The following PIK3C2B variants were observed in gnomAD, a reference collection of about 807,000 sequenced individuals.
PIK3C2B encodes phosphatidylinositol-4-phosphate 3-kinase catalytic subunit type 2 beta.
A neutral mutation model predicts 184.3 loss-of-function variants in PIK3C2B; 83 were observed. That is an observed-to-expected ratio of 0.45 (90% CI 0.38 to 0.54). The LOEUF is 0.54. PIK3C2B is among the 20% of genes least tolerant of loss of function. PIK3C2B has a pLI of 0.00. For missense variants in PIK3C2B, 1,736 were observed against 2,113.5 expected (o/e 0.82, Z 3.50); for synonymous variants, 779 against 837.6 (o/e 0.93, Z 1.21).
Position 204,438,916 on chromosome 1 carries a change from T to TC in PIK3C2B, c.3516+18dup. ...AGGCACACACACACACCAGACGCAC[T>TC]CCCCACCCACAACCCTACCTTCTCA... On this transcript the variant is annotated intron_variant, in intron 23 of 32. Transcript: ENST00000684373. The TC allele has an allele frequency of 6.2e-7, 1 of 1,610,940 alleles. No homozygotes were observed. Among genetic ancestry groups the TC allele is most frequent in the Non-Finnish European group, 8.5e-7 (1 of 1,179,232 alleles).
At chr1:204,492,494 C>T (rs6594015) in intron 1 of PIK3C2B, among the ~76,000 whole-genome samples, 95,780 of 151,908 alleles carry the variant, frequency 0.63, 31,877 homozygotes, top group Non-Finnish European at 0.73. Flanking sequence ...AGGCCAGGGC[C>T]ATCCCAGCTG....
chr1:204,491,857 A>C (rs571957027), intron 1 of PIK3C2B, among the ~76,000 whole-genome samples: 4 of 152,340 alleles, frequency 2.6e-5, no homozygotes, highest in Admixed American at 2.6e-4. Context: ...TTGCCAGCTC[A>C]GCATTATCCT....
At chr1:204,449,698 G>T (rs56006933) in intron 13 of PIK3C2B, 152 bp downstream of exon 13, 1 of 702,842 alleles carries the variant, frequency 1.4e-6, no homozygotes, top group Non-Finnish European at 2.4e-6. Context: ...CTGGTCACCA[G>T]TTCTGTGCTT....
chr1:204,479,996 C>T (rs182782579), intron 1 of PIK3C2B, among the ~76,000 whole-genome samples: 69 of 152,294 alleles, frequency 4.5e-4, no homozygotes, highest in African/African-American at 1.6e-3. Flanking sequence ...GGAGCTGCCT[C>T]CGCAGGTCTT....
chr1:204,463,907 G>C, intron 5 of PIK3C2B, 105 bp downstream of exon 5: 1 of 1,162,154 alleles, frequency 8.6e-7, no homozygotes, highest in Non-Finnish European at 1.2e-6. Flanking sequence ...CTTGACTGTG[G>C]GATTGGGGCG....
At chr1:204,443,202 T>TA (rs1361830958) in intron 19 of PIK3C2B, among the ~76,000 whole-genome samples, 1 of 152,232 alleles carries the variant, frequency 6.6e-6, no homozygotes, top group Non-Finnish European at 1.5e-5. Flanking sequence ...AACAGCTAAA[T>TA]AAATTTCAAT....
intron 1 of PIK3C2B, among the ~76,000 whole-genome samples, chr1:204,477,652 G>A (rs1167785634): frequency 6.6e-6 from 1 of 152,204 alleles, no homozygotes; most frequent in Non-Finnish European, 1.5e-5. Context: ...CACCACTGGA[G>A]CCAGTGGGTG....
At chr1:204,474,148 C>G (rs888713902) in intron 1 of PIK3C2B, among the ~76,000 whole-genome samples, 2 of 152,174 alleles carry the variant, frequency 1.3e-5, no homozygotes, top group Non-Finnish European at 2.9e-5. Context: ...TGCGCCACCA[C>G]GCGCAGCTAA....
intron 27 of PIK3C2B, 103 bp downstream of exon 27, chr1:204,432,097 T>A (rs1189398793): frequency 2.9e-6 from 3 of 1,046,822 alleles, no homozygotes; most frequent in African/African-American, 3.1e-5. Context: ...GGACGCTCGG[T>A]CAACTCCTGT....
intron 1 of PIK3C2B, among the ~76,000 whole-genome samples, chr1:204,470,213 G>A (rs2103517463): frequency 6.7e-6 from 1 of 150,040 alleles, no homozygotes; most frequent in East Asian, 2.0e-4. Context: ...TGTCACCCAG[G>A]CTGGAATGCA....
Position 204,469,017 on chromosome 1 carries a change from C to T in PIK3C2B, c.786G>A (p.Pro262=), listed in dbSNP as rs138661903. The stretch of plus-strand genomic sequence containing the variant: ...CAGAGGTGTCTTTGCTGAAGTCCAG[C>T]GGCCCTCGGCCCTCCTTCCAGCCCC... ...ATRGWKEGRG[P]LDFSKDTSGK... Residue 262 remains proline, a synonymous_variant, in exon 2 of 33, where the codon CCG becomes CCA. Transcript: ENST00000684373. 6.8e-6 allele frequency: 11 copies of T among 1,614,180 alleles called. No homozygotes were observed. The highest frequency in any genetic ancestry group is 2.2e-5 in the East Asian group (1 of 44,884).
intron 1 of PIK3C2B, among the ~76,000 whole-genome samples, chr1:204,478,582 C>T (rs928491396): frequency 2.0e-5 from 3 of 152,186 alleles, no homozygotes; most frequent in Non-Finnish European, 4.4e-5. Context: ...GTGTGCGTGC[C>T]CTCTGGGTGC....
chr1:204,470,511 G>C (rs1368312685), intron 1 of PIK3C2B, among the ~76,000 whole-genome samples: 1 of 152,222 alleles, frequency 6.6e-6, no homozygotes, highest in African/African-American at 2.4e-5. Context: ...TGGAAGCAAA[G>C]CTTCTCCAGT....
chr1:204,452,078 G>C (rs1466650768), intron 12 of PIK3C2B, among the ~76,000 whole-genome samples: 1 of 152,088 alleles, frequency 6.6e-6, no homozygotes, highest in Non-Finnish European at 1.5e-5. Context: ...AGTCTCATTC[G>C]GGGCTTCTGG....
Position 204,423,895 on chromosome 1 carries a change from C to A in PIK3C2B, c.*957G>T, listed in dbSNP as rs187698759. On this transcript the variant is annotated 3_prime_UTR_variant, in exon 33 of 33. Transcript: ENST00000684373. ...TCTTGGGTGAAACTACATCTAAGGA[C>A]TGAGTCAGTATTTTGTCCCACCAGA... 1 of 152,618 alleles carries A rather than the reference C, an allele frequency of 6.6e-6. No individual in the cohort carries two copies. The highest frequency in any genetic ancestry group is 1.9e-4 in the East Asian group (1 of 5,172). The allele number at this position is 152,618 out of a possible 1,614,324, so 9.5% of individuals were successfully genotyped here. A position where few individuals can be genotyped will look rare whatever the true frequency, so the allele number is the denominator to read the frequency against.
In PIK3C2B at chr1:204,438,264, T is replaced by C. The variant is rs1229527379; in HGVS notation, c.3516+671A>G. Among the ~76,000 whole-genome samples the C allele has an allele frequency of 2.6e-5, 4 of 152,316 alleles. No homozygotes were observed. The East Asian group carries it at 5.8e-4, about 22-fold the overall frequency. On this transcript the variant is annotated intron_variant, in intron 23 of 32. Coordinates refer to ENST00000684373, the MANE Select transcript of PIK3C2B (RefSeq NM_001377334.1). ...TTTGTTCCTTCCCAGTGTCCCTACT[T>C]TCCTCAACCTAATTAACCCAGAGAC...
At position 204,433,941 on chromosome 1, in the gene PIK3C2B, G is replaced by A; in HGVS notation, c.3695C>T (p.Ala1232Val). ...CATGTCCGAGGTGAAGACAAAGGGG[G>A]CACGGTCCCTGAGCCAAGGGGAACA... The part of the protein sequence containing the change: ...QMFGNIKRDR[A>V]PFVFTSDMAY... Residue 1232 changes from alanine (A) to valine (V), a missense_variant, in exon 25 of 33, where the codon GCC becomes GTC. Transcript: ENST00000684373. The surrounding 1 kb of genome is among the most constrained non-coding windows in gnomAD (Gnocchi z 5.0). The A allele has an allele frequency of 1.2e-6, 2 of 1,613,712 alleles. No individual in the cohort carries two copies. The highest frequency in any genetic ancestry group is 1.7e-6 in the Non-Finnish European group (2 of 1,179,780).
chr1:204,459,297 G>A (rs759393289), intron 8 of PIK3C2B, among the ~76,000 whole-genome samples: 3 of 152,220 alleles, frequency 2.0e-5, no homozygotes, highest in African/African-American at 7.2e-5. Flanking sequence ...GATTACAGGC[G>A]TGGGCCATCA....
rs1443722473 is a variant in PIK3C2B, at chr1:204,424,807, G to C, written c.*45C>G. 6.3e-7 allele frequency: 1 copy of C among 1,596,788 alleles called. No individual in the cohort carries two copies. The highest frequency in any genetic ancestry group is 8.6e-7 in the Non-Finnish European group (1 of 1,164,660). On this transcript the variant is annotated 3_prime_UTR_variant, in exon 33 of 33. Transcript: ENST00000684373. Reference sequence around the variant, plus strand: ...TCACAGGGGAGAGTCCTCTCCCCCAGCTCCTGCCACCAGCCTGGGATGCTG... The same window carrying C: ...TCACAGGGGAGAGTCCTCTCCCCCACCTCCTGCCACCAGCCTGGGATGCTG...
Sources: allele counts gnomAD v4.1 joint callset (sites outside exome capture counted in the v4.1 genomes callset), GRCh38; gene constraint gnomAD v4.1.1; non-coding constraint Gnocchi (gnomAD v3.1); transcripts MANE v1.5; gene names NCBI Gene and HGNC (gene_info 2026-07-23, HGNC 2026-07-21).